Variants in TGDS observed in about 807,000 individuals in gnomAD.
TGDS encodes UDP-D-glucose 4,6-dehydratase.
Under a neutral mutation model 52.3 loss-of-function variants are expected in TGDS, and 47 were observed. That is an observed-to-expected ratio of 0.90 (90% CI 0.71 to 1.15). The LOEUF (loss-of-function observed/expected upper bound fraction) is 1.15, where lower values mean the gene tolerates loss of function less well. TGDS is among the 50% of genes most tolerant of loss of function. TGDS has a pLI of 0.00. For synonymous variants in TGDS, 115 were observed against 136.9 expected (o/e 0.84, Z 1.12); for missense variants, 375 against 418.4 (o/e 0.90, Z 0.90).
intron 4 of TGDS, among the ~76,000 whole-genome samples, chr13:94,585,332 G>C (rs1395527134): frequency 6.6e-6 from 1 of 152,098 alleles, no homozygotes; most frequent in Non-Finnish European, 1.5e-5. Flanking sequence ...ACAGGCGTGA[G>C]CCACTGCGCC....
chr13:94,590,955 AGCAAACATGAAAGG>A lies in TGDS; in HGVS notation c.223-26_223-13del. ...TCACATATGTCACCCTATATGAAAAAGCAAACATGAAAGGGCCTAGGTTTCATACAGCACTCTCA... is the reference window on the plus strand; with the variant it reads ...TCACATATGTCACCCTATATGAAAAAGCCTAGGTTTCATACAGCACTCTCA... On this transcript the variant is annotated splice_polypyrimidine_tract_variant and intron_variant, in intron 3 of 11. Transcript: ENST00000261296. 1 of 1,563,104 alleles carries A rather than the reference AGCAAACATGAAAGG, an allele frequency of 6.4e-7. No individual in the cohort carries two copies. The highest frequency in any genetic ancestry group is 8.6e-7 in the Non-Finnish European group (1 of 1,160,606).
chr13:94,577,375 CAT>C lies in TGDS; in HGVS notation c.878_879del (p.Asn293ArgfsTer2). The C allele has an allele frequency of 6.4e-7, 1 of 1,572,100 alleles. No individual in the cohort carries two copies. The highest frequency in any genetic ancestry group is 8.6e-7 in the Non-Finnish European group (1 of 1,163,614). ...SEMENWVDYV[N>X]DRPTNDMRYP... Reference sequence around the variant, plus strand: ...AGGTTTTAACTTGTTACTCACCTATCATTAACATAATCAACCCAATTTTCCAT... The same window carrying C: ...AGGTTTTAACTTGTTACTCACCTATCTAACATAATCAACCCAATTTTCCAT... On this transcript the variant is annotated frameshift_variant, in exon 10 of 12. Transcript: ENST00000261296. LOFTEE classifies it high-confidence loss of function.
chr13:94,590,726 T>C (rs1031533509), intron 4 of TGDS, 127 bp downstream of exon 4: 13 of 682,066 alleles, frequency 1.9e-5, no homozygotes, highest in Non-Finnish European at 2.9e-5. Flanking sequence ...AGTTTATGGA[T>C]AACACAGTCA....
intron 4 of TGDS, among the ~76,000 whole-genome samples, chr13:94,585,302 C>A (rs1252343582): frequency 6.6e-6 from 1 of 152,052 alleles, no homozygotes; most frequent in Non-Finnish European, 1.5e-5. Context: ...CCTACCTCAG[C>A]CTCCCAAAGT....
intron 4 of TGDS, among the ~76,000 whole-genome samples, chr13:94,589,627 G>A (rs7997429): frequency 0.19 from 28,905 of 152,074 alleles, 3,087 homozygotes; most frequent in Non-Finnish European, 0.25. Context: ...ATGGACAAAA[G>A]ATTTCAACAG....
chr13:94,584,707 C>T (rs1888919484), intron 4 of TGDS, among the ~76,000 whole-genome samples: 1 of 152,086 alleles, frequency 6.6e-6, no homozygotes. Context: ...GGGGGAAAAA[C>T]ATTGAAGATA....
chr13:94,593,865 G>T lies in TGDS; in HGVS notation c.129C>A (p.Asn43Lys). ...CCTTGTCTAGATTTATGATCATATA[G>T]TTTGGATAATCTTCCACTAAAGAGA... ...MIVSLVEDYP[N>K]YMIINLDKLD... The change falls in exon 2 of 12, where the codon AAC becomes AAA. Residue 43 changes from asparagine to lysine, a missense_variant. Physicochemically the swap from Asn to Lys is moderately conservative, Grantham distance 94. Transcript: ENST00000261296. 6.3e-7 allele frequency: 1 copy of T among 1,579,926 alleles called. No homozygotes were observed. The highest frequency in any genetic ancestry group is 8.6e-7 in the Non-Finnish European group (1 of 1,161,618).
At chr13:94,577,328 A>G in intron 10 of TGDS, 43 bp downstream of exon 10, 1 of 1,454,430 alleles carries the variant, frequency 6.9e-7, no homozygotes, top group Non-Finnish European at 9.2e-7. Flanking sequence ...ATAAGTACCT[A>G]AGATTTCACA....
intron 2 of TGDS, among the ~76,000 whole-genome samples, chr13:94,592,611 GA>G (rs1566966299): frequency 6.6e-6 from 1 of 151,846 alleles, no homozygotes; most frequent in Admixed American, 6.6e-5. Flanking sequence ...CGCCACCATG[GA>G]CCGGCTAATT....
Position 94,574,684 on chromosome 13 carries a change from GAA to G in TGDS, c.*96_*97del, listed in dbSNP as rs1254197216. 3 of 651,704 alleles carry G rather than the reference GAA, an allele frequency of 4.6e-6. No individual in the cohort carries two copies. Among genetic ancestry groups the G allele is most frequent in the African/African-American group, 1.9e-5 (1 of 53,916 alleles). 40.4% of individuals were successfully genotyped at this position (651,704 alleles called of 1,614,324 possible). A position where few individuals can be genotyped will look rare whatever the true frequency, so the allele number is the denominator to read the frequency against. ...GAAAGTCATGAATCTAATTCCAAAA[GAA>G]AAGAGTGCACTTCATTTGGTCACTT... On this transcript the variant is annotated 3_prime_UTR_variant, in exon 12 of 12. Transcript: ENST00000261296.
intron 2 of TGDS, 138 bp from the exon 3 acceptor site, chr13:94,592,447 C>T (rs929874156): frequency 2.6e-5 from 17 of 651,550 alleles, no homozygotes; most frequent in South Asian, 2.1e-4. Context: ...TGTTTGCTCC[C>T]TGTCTTTACA....
chr13:94,590,739 G>A (rs578122974), intron 4 of TGDS, 114 bp downstream of exon 4: 38 of 760,742 alleles, frequency 5.0e-5, no homozygotes, highest in African/African-American at 3.9e-4. Flanking sequence ...CACAGTCACC[G>A]TGGGCTTGTT....
chr13:94,576,238 A>G (rs1234675493), intron 11 of TGDS, 76 bp downstream of exon 11: 2 of 1,005,360 alleles, frequency 2.0e-6, no homozygotes, highest in Non-Finnish European at 2.9e-6. Context: ...ACTGGTTTGT[A>G]TAATGTTCTG....
intron 4 of TGDS, among the ~76,000 whole-genome samples, chr13:94,588,928 G>T (rs1407745240): frequency 2.0e-5 from 3 of 152,040 alleles, no homozygotes; most frequent in Non-Finnish European, 4.4e-5. Flanking sequence ...AGGAACAATT[G>T]GTATTCACAT....
At chr13:94,587,923 G>A (rs1315431193) in intron 4 of TGDS, among the ~76,000 whole-genome samples, 15 of 149,604 alleles carry the variant, frequency 1.0e-4, no homozygotes, top group Non-Finnish European at 2.2e-4. Context: ...CATGAACCCA[G>A]GAGGCAGAGC....
Position 94,576,340 on chromosome 13 carries a change from G to A in TGDS, c.956C>T (p.Pro319Leu), listed in dbSNP as rs1235127517. ...IHGLGWRPKV[P>L]WKEGIKKTIE... ...TGTTTTCTTTATTCCTTCTTTCCAA[G>A]GCACTTTAGGTCTCCATCCTAAGCC... Residue 319 changes from proline (P) to leucine (L), a missense_variant, in exon 11 of 12, where the codon CCT (proline) becomes CTT (leucine). Physicochemically the swap from Pro to Leu is moderately conservative, Grantham distance 98. Coordinates refer to ENST00000261296, the MANE Select transcript of TGDS (RefSeq NM_014305.4). 1 of 1,601,548 alleles carries A rather than the reference G, an allele frequency of 6.2e-7. No homozygotes were observed. The highest frequency in any genetic ancestry group is 8.5e-7 in the Non-Finnish European group (1 of 1,174,112).
intron 4 of TGDS, among the ~76,000 whole-genome samples, chr13:94,584,851 G>A (rs547588758): frequency 4.2e-4 from 64 of 152,020 alleles, no homozygotes; most frequent in Non-Finnish European, 6.8e-4. Context: ...ACATAAATAA[G>A]AAAAATAACT....
In TGDS at chr13:94,593,951, C is replaced by T. The variant is rs140382184; in HGVS notation, c.87-44G>A. 3.5e-3 allele frequency: 4,239 copies of T among 1,215,646 alleles called. 35 individuals are homozygous for T. Among genetic ancestry groups the T allele is most frequent in the Middle Eastern group, 0.02 (102 of 5,218 alleles). 75.3% of individuals were successfully genotyped at this position (1,215,646 alleles called of 1,614,324 possible). On this transcript the variant is annotated intron_variant, in intron 1 of 11. Transcript: ENST00000261296. ...TCTTGTTAGTGAAAAACTTTAACTTCCCTAAACTCTTGAATATTTTCCTAA... is the reference window on the plus strand; with the variant it reads ...TCTTGTTAGTGAAAAACTTTAACTTTCCTAAACTCTTGAATATTTTCCTAA...
chr13:94,577,171 G>A (rs1325158621), intron 10 of TGDS, among the ~76,000 whole-genome samples, 200 bp downstream of exon 10: 1 of 151,980 alleles, frequency 6.6e-6, no homozygotes, highest in Admixed American at 6.6e-5. Context: ...CTTAGAAAGG[G>A]TCAATAGTTT....
Sources: gnomAD v4.1 joint callset for allele counts (sites outside exome capture counted in the v4.1 genomes callset) on GRCh38, gnomAD v4.1.1 for gene constraint, MANE v1.5 for transcripts, NCBI Gene and HGNC (gene_info 2026-07-23, HGNC 2026-07-21) for gene names.